The following WNT2B variants were observed in gnomAD, a reference collection of about 807,000 sequenced individuals.
WNT2B encodes Wnt family member 2B, also known as protein Wnt-2b.
In WNT2B, 19 loss-of-function variants were observed where a neutral mutation model predicts 40.5. The observed-to-expected ratio is 0.47, with a 90% CI of 0.33 to 0.69. WNT2B has a LOEUF of 0.69. Among genes scored for constraint, WNT2B ranks in the 30% least tolerant of loss-of-function variants. The probability of loss-of-function intolerance (pLI) is 0.02; values close to 1 mark genes in which losing one functional copy is unlikely to be tolerated. For missense variants in WNT2B, 467 were observed against 556.4 expected (o/e 0.84, Z 1.62); for synonymous variants, 220 against 211.9 (o/e 1.04, Z -0.33).
chr1:112,493,958 A>G (rs1363114760), intron 1 of WNT2B, among the ~76,000 whole-genome samples: 2 of 151,428 alleles, frequency 1.3e-5, no homozygotes, highest in Admixed American at 6.6e-5. Context: ...AAAAAACGAT[A>G]TTGAAAGAAG....
At chr1:112,498,347 G>A (rs1206143200) in intron 1 of WNT2B, among the ~76,000 whole-genome samples, 1 of 151,830 alleles carries the variant, frequency 6.6e-6, no homozygotes, top group Middle Eastern at 3.2e-3. Flanking sequence ...TCTACCTCCT[G>A]GGTTCAAGTG....
chr1:112,520,525 A>G lies in WNT2B; in HGVS notation c.*16A>G, dbSNP rs1251020602. On this transcript the variant is annotated 3_prime_UTR_variant, in exon 5 of 5. Coordinates refer to ENST00000369684, the MANE Select transcript of WNT2B (RefSeq NM_024494.3). ...CCAAACCTGAACACACAGATACCTCACTCATCCCTCCAATTCAAGCCTCTC... is the reference window on the plus strand; with the variant it reads ...CCAAACCTGAACACACAGATACCTCGCTCATCCCTCCAATTCAAGCCTCTC... 1 of 1,610,480 alleles carries G rather than the reference A, an allele frequency of 6.2e-7. No individual in the cohort carries two copies. Among genetic ancestry groups the G allele is most frequent in the South Asian group, 1.1e-5 (1 of 90,642 alleles).
At chr1:112,473,168 G>T (rs1229248562) in intron 1 of WNT2B, among the ~76,000 whole-genome samples, 3 of 31,706 alleles carry the variant, frequency 9.5e-5, no homozygotes, top group African/African-American at 3.7e-4. Flanking sequence ...AGAAAGAGAG[G>T]AAGGGAGGGC....
Position 112,489,613 on chromosome 1 carries a change from T to C in WNT2B, c.-95+22022T>C, listed in dbSNP as rs1651534841. On this transcript the variant is annotated intron_variant, in intron 1 of 4. Coordinates refer to the WNT2B transcript ENST00000256640. ...AAGAGGTCTAAAGTCCATTGCATTA[T>C]TCCCAGCAATTCACTCCCTTCTACC... 2.0e-5 allele frequency among the ~76,000 whole-genome samples: 3 copies of C among 152,228 alleles called. No homozygotes were observed. The South Asian group carries it at 6.2e-4, about 32-fold the overall frequency.
chr1:112,512,958 A>G (rs192493504), intron 1 of WNT2B, among the ~76,000 whole-genome samples: 120 of 152,238 alleles, frequency 7.9e-4, no homozygotes, highest in African/African-American at 2.7e-3. Context: ...CTCAGTGAGG[A>G]TGTAATAAAA....
intron 1 of WNT2B, among the ~76,000 whole-genome samples, chr1:112,496,189 C>T (rs1651763675): frequency 6.6e-6 from 1 of 152,172 alleles, no homozygotes; most frequent in South Asian, 2.1e-4. Context: ...TCATAGCTCA[C>T]TGCAAGCCTC....
At chr1:112,491,585 T>A (rs1651606671) in intron 1 of WNT2B, among the ~76,000 whole-genome samples, 1 of 150,684 alleles carries the variant, frequency 6.6e-6, no homozygotes, top group African/African-American at 2.4e-5. Flanking sequence ...ACACAAAGAG[T>A]TAGAAGGATT....
At chr1:112,484,272 CATAT>C (rs60819225) in intron 1 of WNT2B, among the ~76,000 whole-genome samples, 14 of 123,280 alleles carry the variant, frequency 1.1e-4, no homozygotes, top group East Asian at 6.7e-4. Flanking sequence ...TATATATACA[CATAT>C]ATATATATAT....
At chr1:112,507,432 G>T (rs540970850), upstream of WNT2B, among the ~76,000 whole-genome samples, 17 of 152,336 alleles carry the variant, frequency 1.1e-4, no homozygotes, top group South Asian at 3.3e-3. Flanking sequence ...GAAAGTGGGG[G>T]TAAAGGAGTG....
upstream of WNT2B, among the ~76,000 whole-genome samples, chr1:112,504,496 C>T (rs1652053486): frequency 6.6e-6 from 1 of 152,118 alleles, no homozygotes; most frequent in Non-Finnish European, 1.5e-5. Context: ...CGCCTAAGAG[C>T]TCATAAATAC....
At chr1:112,477,173 G>C (rs1651077892) in intron 1 of WNT2B, among the ~76,000 whole-genome samples, 1 of 152,174 alleles carries the variant, frequency 6.6e-6, no homozygotes, top group Non-Finnish European at 1.5e-5. Context: ...TATATTTAGA[G>C]TACCCAAGCA....
chr1:112,486,132 A>AACACATACACACACAC (rs1553230519), intron 1 of WNT2B, among the ~76,000 whole-genome samples: 1 of 143,754 alleles, frequency 7.0e-6, no homozygotes, highest in East Asian at 2.0e-4. Flanking sequence ...ATGAGTTTTT[A>AACACATACACACACAC]ACACACACAC....
At chr1:112,508,772 G>T (rs1037712916), upstream of WNT2B, 3 of 986,988 alleles carry the variant, frequency 3.0e-6, no homozygotes, top group Non-Finnish European at 3.6e-6. The surrounding 1 kb of genome is among the most constrained non-coding windows in gnomAD (Gnocchi z 4.2). Context: ...CCGTCGCAGC[G>T]TGCGGGAGCA....
chr1:112,517,384 A>C lies in WNT2B; in HGVS notation c.945A>C (p.Ala315=). 1 of 1,598,456 alleles carries C rather than the reference A, an allele frequency of 6.3e-7. No individual in the cohort carries two copies. The highest frequency in any genetic ancestry group is 8.6e-7 in the Non-Finnish European group (1 of 1,167,670). Residue 315 remains alanine (A), a splice_region_variant and synonymous_variant, in exon 4 of 5, where the codon GCA becomes GCC. Transcript: ENST00000369684. ...ATTACTGTGTCTTGGACAAGGCTGCAGGTGAGTAAGGAAGGCAGGCAGGGA... is the reference window on the plus strand; with the variant it reads ...ATTACTGTGTCTTGGACAAGGCTGCCGGTGAGTAAGGAAGGCAGGCAGGGA... ...SPDYCVLDKA[A]GSLGTAGRVC...
rs1653009935 is a variant in WNT2B at position 112,523,739 on chromosome 1, A to C, written c.*3230A>C. The C allele has an allele frequency of 6.6e-6, 1 of 152,222 alleles. No individual in the cohort carries two copies. Among genetic ancestry groups the C allele is most frequent in the African/African-American group, 2.4e-5 (1 of 41,448 alleles). 9.4% of individuals were successfully genotyped at this position (152,222 alleles called of 1,614,324 possible). On this transcript the variant is annotated 3_prime_UTR_variant, in exon 5 of 5. Transcript: ENST00000369684. ...TAAACATTTAGGTATAATACATTAC[A>C]GTAAGTGCTATTTAGATACAAACTT... is the stretch of plus-strand genomic sequence containing the variant.
chr1:112,466,615 T>C (rs927342546), exon 1 of WNT2B: 12 of 152,208 alleles, frequency 7.9e-5, no homozygotes, highest in African/African-American at 1.9e-4. Flanking sequence ...AAACTGGTCA[T>C]TGACATAAGC....
rs933463093 is a variant in WNT2B, at chr1:112,528,552, C to G, written c.*8043C>G. On this transcript the variant is annotated 3_prime_UTR_variant, in exon 5 of 5. Transcript: ENST00000369684. ...AAATGCTACATATCATTAACTACAG[C>G]TCCTTATCATTTGAGATTCTGGGCT... The G allele has an allele frequency of 3.9e-5, 6 of 152,330 alleles. No individual in the cohort carries two copies. Among genetic ancestry groups the G allele is most frequent in the Admixed American group, 6.5e-5 (1 of 15,304 alleles). 9.4% of individuals were successfully genotyped at this position (152,330 alleles called of 1,614,324 possible). A position where few individuals can be genotyped will look rare whatever the true frequency, so the allele number is the denominator to read the frequency against.
chr1:112,474,661 A>ACACCGTTTTAAACAG (rs1651002232), intron 1 of WNT2B, among the ~76,000 whole-genome samples: 1 of 152,206 alleles, frequency 6.6e-6, no homozygotes, highest in Non-Finnish European at 1.5e-5. Flanking sequence ...ACTTTTTAAA[A>ACACCGTTTTAAACAG]TGTGAAACAC....
At chr1:112,467,409 G>A in exon 1 of WNT2B, 1 of 646,604 alleles carries the variant, frequency 1.5e-6, no homozygotes, top group Admixed American at 2.7e-5. Context: ...CACTGGCATG[G>A]CCCCTTCCAA....
Sources: allele counts gnomAD v4.1 joint callset (sites outside exome capture counted in the v4.1 genomes callset), GRCh38; gene constraint gnomAD v4.1.1; non-coding constraint Gnocchi (gnomAD v3.1); transcripts MANE v1.5; gene names NCBI Gene and HGNC (gene_info 2026-07-23, HGNC 2026-07-21).